The following RPS6KA6 variants were observed in gnomAD, a reference collection of about 807,000 sequenced individuals.
The protein encoded by RPS6KA6 is ribosomal protein S6 kinase alpha-6.
A neutral mutation model predicts 65.4 loss-of-function variants in RPS6KA6; 27 were observed. That is an observed-to-expected ratio of 0.41 (90% CI 0.30 to 0.57). The LOEUF (loss-of-function observed/expected upper bound fraction) is 0.57. Among genes scored for constraint, RPS6KA6 ranks in the 20% least tolerant of loss-of-function variants. The pLI is 0.24. For missense variants in RPS6KA6, 486 were observed against 555.6 expected (o/e 0.87, Z 1.26); for synonymous variants, 190 against 184.2 (o/e 1.03, Z -0.26).
At chrX:84,092,477 C>T (rs2034066418) in intron 20 of RPS6KA6, among the ~76,000 whole-genome samples, 1 of 109,730 alleles carries the variant, frequency 9.1e-6, no homozygotes, top group African/African-American at 3.3e-5. Context: ...CAAAAATTAG[C>T]TGGGTGTGGT....
chrX:84,066,540 G>A (rs1239063657), intron 20 of RPS6KA6, among the ~76,000 whole-genome samples: 1 of 110,950 alleles, frequency 9.0e-6, no homozygotes, highest in Non-Finnish European at 1.9e-5. Flanking sequence ...GCAGCAAAGC[G>A]GCTGTGACCA....
Position 84,110,991 on chromosome X carries a change from A to AT in RPS6KA6, c.1009-3267_1009-3266insA, listed in dbSNP as rs2034458788. Among the ~76,000 whole-genome samples, 9 of 102,418 alleles carry AT rather than the reference A, an allele frequency of 8.8e-5. No individual in the cohort carries two copies. The Admixed American group carries it at 8.8e-4, about 10-fold the overall frequency. The allele number at this position is 102,418 out of a possible 115,157, so 88.9% of individuals were successfully genotyped here. On this transcript the variant is annotated intron_variant, in intron 12 of 21. Coordinates refer to ENST00000262752, the MANE Select transcript of RPS6KA6 (RefSeq NM_014496.5). ...CAATTCAGGAGATAAAAGATAAATAAATATATATATATATATATATTTAAA... is the reference window on the plus strand; with the variant it reads ...CAATTCAGGAGATAAAAGATAAATAATATATATATATATATATATATTTAAA...
At chrX:84,139,809 G>A (rs1258351732) in intron 6 of RPS6KA6, among the ~76,000 whole-genome samples, 2 of 112,162 alleles carry the variant, frequency 1.8e-5, no homozygotes, top group African/African-American at 3.2e-5. Context: ...TTGGACATCA[G>A]GCAACAAAGG....
upstream of RPS6KA6, among the ~76,000 whole-genome samples, chrX:84,188,280 G>A (rs1299367879): frequency 9.0e-6 from 1 of 110,779 alleles, no homozygotes; most frequent in Non-Finnish European, 1.9e-5. Context: ...TTACCTGTGC[G>A]GCGCCTGGAC....
At chrX:84,080,623 G>A (rs750655400) in intron 20 of RPS6KA6, among the ~76,000 whole-genome samples, 3 of 103,738 alleles carry the variant, frequency 2.9e-5, no homozygotes, top group South Asian at 9.7e-4. Context: ...TGGACCAAGC[G>A]GACCTAATAG....
At chrX:84,160,645 G>A (rs1428927018) in intron 2 of RPS6KA6, among the ~76,000 whole-genome samples, 1 of 110,967 alleles carries the variant, frequency 9.0e-6, no homozygotes, top group Non-Finnish European at 1.9e-5. Context: ...TAGGTACACA[G>A]GCCAGCTTGG....
At chrX:84,125,210 G>A (rs1253020319) in intron 8 of RPS6KA6, among the ~76,000 whole-genome samples, 1 of 111,694 alleles carries the variant, frequency 9.0e-6, no homozygotes, top group Non-Finnish European at 1.9e-5. Flanking sequence ...TCATCTGAAA[G>A]TACAAAACTC....
chrX:84,102,284 A>T (rs2034274344), intron 17 of RPS6KA6, 86 bp from the exon 18 acceptor site: 3 of 512,553 alleles, frequency 5.9e-6, no homozygotes, highest in Non-Finnish European at 8.3e-6. Context: ...TAATTAACTA[A>T]ATATCTGAGA....
Position 84,117,045 on chromosome X carries a change from G to A in RPS6KA6, c.949+15C>T, listed in dbSNP as rs1399089018. On this transcript the variant is annotated intron_variant, in intron 11 of 21. Transcript: ENST00000262752. ...ATGCAGTTACTTCTATAAAAGCTAA[G>A]AAAATAAGCAATACCCAATCTATTT... The A allele has an allele frequency of 6.6e-6, 7 of 1,062,966 alleles. No individual in the cohort carries two copies. Among genetic ancestry groups the A allele is most frequent in the South Asian group, 4.4e-5 (2 of 45,555 alleles). 87.6% of individuals were successfully genotyped at this position (1,062,966 alleles called of 1,213,427 possible). A position where few individuals can be genotyped will look rare whatever the true frequency, so the allele number is the denominator to read the frequency against.
At chrX:84,166,459 T>A (rs765906923) in intron 1 of RPS6KA6, among the ~76,000 whole-genome samples, 2 of 111,379 alleles carry the variant, frequency 1.8e-5, no homozygotes, top group Admixed American at 9.6e-5. Context: ...TGAAAAATTT[T>A]AAAAATACTG....
At chrX:84,168,534 G>T (rs1357631879) in intron 1 of RPS6KA6, among the ~76,000 whole-genome samples, 1 of 111,426 alleles carries the variant, frequency 9.0e-6, no homozygotes, top group African/African-American at 3.3e-5. Flanking sequence ...CAGATTCATT[G>T]TAAGCATATA....
At chrX:84,094,368 T>C (rs6622915) in intron 20 of RPS6KA6, among the ~76,000 whole-genome samples, 6,596 of 104,370 alleles carry the variant, frequency 0.063, 227 homozygotes, top group East Asian at 0.21. Flanking sequence ...GGAGGCCTGG[T>C]GTGGTGGCTC....
Position 84,147,194 on chromosome X carries a change from T to A in RPS6KA6, c.341-136A>T, listed in dbSNP as rs1602458316. On this transcript the variant is annotated intron_variant, in intron 4 of 21. Transcript: ENST00000262752. ...AATGCCGAAATTTGCAGTTTTCATATTCCTAGATAATGACCATATTCTCAG... is the reference window on the plus strand; with the variant it reads ...AATGCCGAAATTTGCAGTTTTCATAATCCTAGATAATGACCATATTCTCAG... 5 of 399,846 alleles carry A rather than the reference T, an allele frequency of 1.3e-5. No individual in the cohort carries two copies. The East Asian group carries it at 2.1e-4, about 17-fold the overall frequency. The allele number at this position is 399,846 out of a possible 1,213,427, so 33.0% of individuals were successfully genotyped here.
intron 20 of RPS6KA6, among the ~76,000 whole-genome samples, chrX:84,071,388 T>C (rs772771175): frequency 9.0e-6 from 1 of 111,223 alleles, no homozygotes; most frequent in Admixed American, 9.6e-5. Flanking sequence ...ATTGATGAAG[T>C]ATATTACAGA....
intron 12 of RPS6KA6, among the ~76,000 whole-genome samples, chrX:84,110,684 C>T (rs1483690614): frequency 9.0e-5 from 10 of 111,352 alleles, no homozygotes; most frequent in African/African-American, 2.0e-4. Flanking sequence ...CCAAGAGGGG[C>T]GGCGGCAGGG....
chrX:84,144,934 T>C (rs2035173688), intron 6 of RPS6KA6, among the ~76,000 whole-genome samples: 1 of 110,881 alleles, frequency 9.0e-6, no homozygotes, highest in Admixed American at 9.7e-5. Flanking sequence ...TACTATATGA[T>C]TCCATTTATA....
At chrX:84,106,757 C>T (rs1380802239) in intron 14 of RPS6KA6, among the ~76,000 whole-genome samples, 153 bp downstream of exon 14, 1 of 110,872 alleles carries the variant, frequency 9.0e-6, no homozygotes, top group Non-Finnish European at 1.9e-5. Flanking sequence ...TGCTCTTTTC[C>T]AAAACACACA....
chrX:84,161,036 A>C (rs1476926085), intron 2 of RPS6KA6, among the ~76,000 whole-genome samples: 2 of 111,127 alleles, frequency 1.8e-5, no homozygotes, highest in African/African-American at 6.5e-5. Context: ...AATTGGCAGT[A>C]ATACTTACTC....
chrX:84,096,408 TGAATAA>T (rs2034158597), intron 19 of RPS6KA6, 97 bp from the exon 20 acceptor site: 3 of 369,654 alleles, frequency 8.1e-6, no homozygotes, highest in Admixed American at 5.3e-5. Context: ...TTTACTTCAG[TGAATAA>T]GAATATCATC....
Sources: allele counts gnomAD v4.1 joint callset (sites outside exome capture counted in the v4.1 genomes callset), GRCh38; gene constraint gnomAD v4.1.1; transcripts MANE v1.5; gene names NCBI Gene and HGNC (gene_info 2026-07-23, HGNC 2026-07-21).